Variants in RGS12 observed in about 807,000 individuals in gnomAD.
The protein encoded by RGS12 is regulator of G-protein signaling 12.
Under a neutral mutation model 120.1 loss-of-function variants are expected in RGS12, and 66 were observed. That is an observed-to-expected ratio of 0.55 (90% CI 0.45 to 0.67). RGS12 has a LOEUF of 0.67. Among genes scored for constraint, RGS12 ranks in the 30% least tolerant of loss-of-function variants. The probability of loss-of-function intolerance (pLI) is 0.00; values close to 1 mark genes in which losing one functional copy is unlikely to be tolerated. For synonymous variants in RGS12, 827 were observed against 804.7 expected, an observed-to-expected ratio of 1.03 and a Z score of -0.47; for missense variants, 1,859 against 1,957.7, an observed-to-expected ratio of 0.95 and a Z score of 0.95.
intron 3 of RGS12, among the ~76,000 whole-genome samples, chr4:3,382,226 A>G (rs1234362783): frequency 6.6e-6 from 1 of 152,216 alleles, no homozygotes. Context: ...TGCATTGATG[A>G]CATAACTTCT....
rs755716328 is a variant in RGS12, at chr4:3,439,515, T to C, written c.4175T>C (p.Val1392Ala). 6.2e-7 allele frequency: 1 copy of C among 1,612,756 alleles called. No individual in the cohort carries two copies. Among genetic ancestry groups the C allele is most frequent in the South Asian group, 1.1e-5 (1 of 91,086 alleles). The change falls in exon 18 of 18, where the codon GTA (valine) becomes GCA (alanine). Residue 1392 changes from valine to alanine, a missense_variant. Physicochemically the swap from Val to Ala is moderately conservative, Grantham distance 64 (BLOSUM62 0). Around this residue, in one of 3 missense-constraint regions of RGS12, gnomAD observed 517 missense variants for 488.5 expected, o/e 1.06. Coordinates refer to ENST00000336727, the MANE Select transcript of RGS12 (RefSeq NM_001394154.1). ...PVNRIIDVDL[V>A]TGSAPGRDGG... is the part of the protein sequence containing the mutation. ...AACAGAATCATCGATGTGGATCTTGTAACTGGCTCGGCGCCCGGGCGGGAT... is the reference window on the plus strand; with the variant it reads ...AACAGAATCATCGATGTGGATCTTGCAACTGGCTCGGCGCCCGGGCGGGAT...
At position 3,362,678 on chromosome 4, in the gene RGS12, GGTGAGGGTGTGT is replaced by G. The variant is rs1422577882; in HGVS notation, c.1998+19644_1998+19655del. Among the ~76,000 whole-genome samples, 222 of 127,540 alleles carry G rather than the reference GGTGAGGGTGTGT, an allele frequency of 1.7e-3. 3 individuals are homozygous for G. The highest frequency in any genetic ancestry group is 6.3e-3 in the African/African-American group (212 of 33,602). The allele number at this position is 127,540 out of a possible 152,430, so 83.7% of individuals were successfully genotyped here. ...GTGTGGGACTGAGGCTGAGTGTGAGGGTGAGGGTGTGTGTGAGGGTGTGTGTGAGGCTGTGTG... is the reference window on the plus strand; with the variant it reads ...GTGTGGGACTGAGGCTGAGTGTGAGGGTGAGGGTGTGTGTGAGGCTGTGTG... On this transcript the variant is annotated intron_variant, in intron 3 of 17. Transcript: ENST00000336727.
intron 2 of RGS12, chr4:3,342,331 T>C (rs2108775635): frequency 9.4e-7 from 1 of 1,067,062 alleles, no homozygotes; most frequent in Non-Finnish European, 1.2e-6. Context: ...TCTAGCATAA[T>C]GATGGGCACA....
intron 1 of RGS12, among the ~76,000 whole-genome samples, chr4:3,304,994 C>A (rs545509509): frequency 6.6e-6 from 1 of 152,340 alleles, no homozygotes; most frequent in Non-Finnish European, 1.5e-5. Context: ...CATGCACACT[C>A]ATGAGGCTGC....
intron 17 of RGS12, among the ~76,000 whole-genome samples, chr4:3,435,852 A>G (rs1376095172): frequency 1.3e-5 from 2 of 152,104 alleles, no homozygotes; most frequent in East Asian, 3.9e-4. Context: ...TGTTCCCTCC[A>G]GGACTGGCCA....
chr4:3,310,117 A>G (rs1266181426), intron 1 of RGS12, among the ~76,000 whole-genome samples: 1 of 104,642 alleles, frequency 9.6e-6, no homozygotes, highest in South Asian at 3.5e-4. Flanking sequence ...AGGAGAGCTG[A>G]GCAGGAGAGG....
At position 3,317,777 on chromosome 4, in the gene RGS12, G is replaced by A. The variant is rs1378125205; in HGVS notation, c.1607G>A (p.Arg536His). Residue 536 changes from arginine (R) to histidine (H), a missense_variant, in exon 2 of 18, where the codon CGC (arginine) becomes CAC (histidine). By Grantham distance (29) the Arg-to-His change is conservative. Transcript: ENST00000336727. ...TVGAGCGFNQ[R>H]WLPVHVLREW... is the part of the protein sequence containing the mutation. ...GGTGCTGGCTGTGGTTTCAACCAGCGCTGGCTCCCGGTCCACGTGCTCCGG... is the reference window on the plus strand; with the variant it reads ...GGTGCTGGCTGTGGTTTCAACCAGCACTGGCTCCCGGTCCACGTGCTCCGG... 1.9e-6 allele frequency: 3 copies of A among 1,613,420 alleles called. No homozygotes were observed. The highest frequency in any genetic ancestry group is 2.2e-5 in the East Asian group (1 of 44,868).
rs1240310821 is a variant in RGS12 at position 3,430,846 on chromosome 4, G to A, written c.4005G>A (p.Glu1335=). ...GGGGCATCCAGACGGTGGAGGATGA[G>A]CACGTGGCCGAGCTGACCCTGATGG... ...EAGGIQTVED[E]HVAELTLMGE... is the part of the protein sequence containing the mutation. The change falls in exon 17 of 18, where the codon GAG becomes GAA. Residue 1335 remains glutamate, a synonymous_variant. Transcript: ENST00000336727. 2.5e-6 allele frequency: 4 copies of A among 1,611,930 alleles called. No homozygotes were observed. The Admixed American group carries it at 6.7e-5, about 27-fold the overall frequency.
chr4:3,436,002 A>T (rs958415677), intron 17 of RGS12, among the ~76,000 whole-genome samples: 4 of 151,638 alleles, frequency 2.6e-5, no homozygotes, highest in Admixed American at 6.6e-5. Flanking sequence ...CACACTGTGC[A>T]CCCTGCTGGG....
At chr4:3,400,096 T>C (rs566258072) in intron 4 of RGS12, among the ~76,000 whole-genome samples, 1 of 152,354 alleles carries the variant, frequency 6.6e-6, no homozygotes. Context: ...CAACTTAATA[T>C]TGTCTTTACA....
intron 4 of RGS12, among the ~76,000 whole-genome samples, chr4:3,398,930 A>G (rs906873184): frequency 4.6e-5 from 7 of 152,244 alleles, no homozygotes; most frequent in African/African-American, 7.2e-5. Context: ...ATTATAGCAT[A>G]CAGAGAATAG....
At chr4:3,401,043 T>C (rs534742143) in intron 4 of RGS12, among the ~76,000 whole-genome samples, 3 of 152,252 alleles carry the variant, frequency 2.0e-5, no homozygotes, top group Admixed American at 6.5e-5. Flanking sequence ...CTAACTATTA[T>C]ACAAAACCGA....
chr4:3,331,234 A>G lies in RGS12; in HGVS notation c.1882-11703A>G, dbSNP rs1387825027. On this transcript the variant is annotated intron_variant, in intron 2 of 17. Coordinates refer to ENST00000336727, the MANE Select transcript of RGS12 (RefSeq NM_001394154.1). ...AAGAAACCTATACATTTTAAAGTGC[A>G]CATATGTTTATATGTAAATATATGG... is the stretch of plus-strand genomic sequence containing the variant. Among the ~76,000 whole-genome samples, 4 of 152,338 alleles carry G rather than the reference A, an allele frequency of 2.6e-5. No individual in the cohort carries two copies. The East Asian group carries it at 7.7e-4, about 29-fold the overall frequency.
At chr4:3,288,459 C>T (rs889477704), upstream of RGS12, among the ~76,000 whole-genome samples, 1 of 152,178 alleles carries the variant, frequency 6.6e-6, no homozygotes, top group African/African-American at 2.4e-5. The surrounding 1 kb of genome is among the most constrained non-coding windows in gnomAD (Gnocchi z 5.2). Context: ...TGCTTTGGGG[C>T]CAGGAAAATA....
chr4:3,346,681 C>G (rs1018663058), intron 3 of RGS12, among the ~76,000 whole-genome samples: 1 of 152,184 alleles, frequency 6.6e-6, no homozygotes, highest in Non-Finnish European at 1.5e-5. Flanking sequence ...AGTCTAATAA[C>G]AGGAGTATTG....
intron 16 of RGS12, among the ~76,000 whole-genome samples, chr4:3,429,117 G>A (rs1183269333): frequency 6.6e-6 from 1 of 152,238 alleles, no homozygotes; most frequent in East Asian, 1.9e-4. Flanking sequence ...CCAGGTGAGG[G>A]GAGGTGGAGC....
chr4:3,316,019 G>C, intron 1 of RGS12, 51 bp from the exon 2 acceptor site: 1 of 686,770 alleles, frequency 1.5e-6, no homozygotes, highest in Non-Finnish European at 2.4e-6. Context: ...CCAGTGAGTG[G>C]TGGAGAAAGA....
rs556922956 is a variant in RGS12, at chr4:3,428,095, G to A, written c.3337G>A (p.Ala1113Thr). 5.0e-6 allele frequency: 8 copies of A among 1,613,244 alleles called. No homozygotes were observed. Among genetic ancestry groups the A allele is most frequent in the East Asian group, 4.5e-5 (2 of 44,870 alleles). ...TAAAGCTTTCTTATGTTTAGCATCC[G>A]CAGATAAACAGAAAGGTGTGCCAGT... ...EKDPSRGKAS[A>T]DKQKGVPVKQ... Residue 1113 changes from alanine to threonine, a missense_variant, in exon 15 of 18, where the codon GCA becomes ACA. Ala to Thr is a moderately conservative substitution (Grantham distance 58, BLOSUM62 0). This residue lies in a region of RGS12 where 517 missense variants were observed against 488.5 expected (regional missense o/e 1.06). Transcript: ENST00000336727.
chr4:3,376,713 G>A (rs1397782661), intron 3 of RGS12, among the ~76,000 whole-genome samples: 1 of 152,220 alleles, frequency 6.6e-6, no homozygotes, highest in African/African-American at 2.4e-5. Flanking sequence ...CGGTCCCTTG[G>A]AGGGTCATGG....
Sources: allele counts gnomAD v4.1 joint callset (sites outside exome capture counted in the v4.1 genomes callset), GRCh38; gene constraint gnomAD v4.1.1; regional missense constraint gnomAD v4.1.1; non-coding constraint Gnocchi (gnomAD v3.1); transcripts MANE v1.5; gene names NCBI Gene and HGNC (gene_info 2026-07-23, HGNC 2026-07-21).